The following DIP2C variants were observed in gnomAD, a reference collection of about 807,000 sequenced individuals.
The protein encoded by DIP2C is disco-interacting protein 2 homolog C.
In DIP2C, 33 loss-of-function variants were observed where a neutral mutation model predicts 192.4. The observed-to-expected ratio is 0.17, with a 90% CI of 0.13 to 0.23. The LOEUF (loss-of-function observed/expected upper bound fraction) is 0.23. Ranked by LOEUF, DIP2C falls within the 10% of genes least tolerant of loss-of-function variation. The pLI is 1.00. For synonymous variants in DIP2C, 979 were observed against 864.1 expected (o/e 1.13, Z -2.33); for missense variants, 1,537 against 2,110.1 (o/e 0.73, Z 5.32).
intron 32 of DIP2C, among the ~76,000 whole-genome samples, chr10:305,203 TCA>T (rs971051941): frequency 6.6e-6 from 1 of 151,934 alleles, no homozygotes; most frequent in Non-Finnish European, 1.5e-5. Context: ...TGTACCCACA[TCA>T]CACTCACCCA....
At chr10:433,553 T>C (rs1966934377) in intron 4 of DIP2C, among the ~76,000 whole-genome samples, 1 of 152,020 alleles carries the variant, frequency 6.6e-6, no homozygotes, top group Non-Finnish European at 1.5e-5. Context: ...TGATGACAAA[T>C]GCCTGTAGTC....
intron 1 of DIP2C, among the ~76,000 whole-genome samples, chr10:509,889 G>C (rs972090407): frequency 3.3e-5 from 5 of 152,196 alleles, no homozygotes; most frequent in African/African-American, 9.7e-5. Flanking sequence ...TGCAGCCTGT[G>C]GTGCTCATCA....
intron 17 of DIP2C, among the ~76,000 whole-genome samples, chr10:379,657 CAG>C (rs1426095169): frequency 6.6e-6 from 1 of 152,202 alleles, no homozygotes; most frequent in Non-Finnish European, 1.5e-5. Context: ...ATACATATTC[CAG>C]AGAGGGCCAA....
chr10:625,683 A>G (rs1467900532), intron 1 of DIP2C, among the ~76,000 whole-genome samples: 2 of 152,254 alleles, frequency 1.3e-5, no homozygotes, highest in Non-Finnish European at 2.9e-5. Context: ...CGGCTGAAGC[A>G]GGAACGAGCT....
chr10:489,797 G>A (rs552458411), intron 1 of DIP2C, among the ~76,000 whole-genome samples: 2 of 118,106 alleles, frequency 1.7e-5, no homozygotes, highest in African/African-American at 3.5e-5. Flanking sequence ...CTAGGGACAC[G>A]GTGGCTCTGA....
chr10:292,067 G>A (rs1324870969), intron 32 of DIP2C, among the ~76,000 whole-genome samples: 1 of 152,244 alleles, frequency 6.6e-6, no homozygotes, highest in East Asian at 1.9e-4. Context: ...CTGGCGTCCA[G>A]CAGAGCTCAC....
intron 31 of DIP2C, among the ~76,000 whole-genome samples, chr10:320,594 T>C (rs2132389850): frequency 6.6e-6 from 1 of 152,178 alleles, no homozygotes; most frequent in South Asian, 2.1e-4. Context: ...GAGATGGCAC[T>C]GGACACTCAG....
intron 1 of DIP2C, among the ~76,000 whole-genome samples, chr10:561,309 C>A (rs546351870): frequency 2.6e-5 from 4 of 152,166 alleles, no homozygotes; most frequent in Non-Finnish European, 5.9e-5. Flanking sequence ...AGGGGACTCA[C>A]AATGGATTGG....
At chr10:591,204 C>A (rs947608560) in intron 1 of DIP2C, among the ~76,000 whole-genome samples, 1 of 152,138 alleles carries the variant, frequency 6.6e-6, no homozygotes, top group Non-Finnish European at 1.5e-5. Context: ...CTCACTGCAA[C>A]CTCTGCACCT....
At chr10:376,818 C>T (rs1294616833) in intron 17 of DIP2C, among the ~76,000 whole-genome samples, 1 of 152,112 alleles carries the variant, frequency 6.6e-6, no homozygotes, top group African/African-American at 2.4e-5. Context: ...AGCTTGTGAA[C>T]TCATTTCAGC....
At chr10:415,107 T>C (rs1965544045) in intron 7 of DIP2C, among the ~76,000 whole-genome samples, 1 of 151,956 alleles carries the variant, frequency 6.6e-6, no homozygotes, top group Non-Finnish European at 1.5e-5. Context: ...AGTATTTTCC[T>C]GAGTAAAACT....
intron 1 of DIP2C, among the ~76,000 whole-genome samples, chr10:582,144 C>G (rs1284831256): frequency 6.6e-6 from 1 of 152,184 alleles, no homozygotes; most frequent in East Asian, 1.9e-4. Context: ...ACTCACCGGC[C>G]ACCCACCCCC....
At chr10:665,364 A>G (rs1857020572) in intron 1 of DIP2C, 1 of 152,198 alleles carries the variant, frequency 6.6e-6, no homozygotes, top group South Asian at 2.1e-4. Flanking sequence ...TTTTTAACTG[A>G]AAAGAAAAAC....
chr10:565,354 T>TTAAAAAAAAAAAA (rs1554737793), intron 1 of DIP2C, among the ~76,000 whole-genome samples: 1 of 114,136 alleles, frequency 8.8e-6, no homozygotes. Flanking sequence ...ACCTGCATTC[T>TTAAAAAAAAAAAA]AAAAAAAAAA....
chr10:663,042 C>T lies in DIP2C; in HGVS notation c.85+26452G>A, dbSNP rs749759010. 3.7e-5 allele frequency: 24 copies of T among 649,858 alleles called. No homozygotes were observed. The African/African-American group carries it at 3.9e-4, about 11-fold the overall frequency. The allele number at this position is 649,858 out of a possible 1,614,324, so 40.3% of individuals were successfully genotyped here. A position where few individuals can be genotyped will look rare whatever the true frequency, so the allele number is the denominator to read the frequency against. ...AGGAAAGACTCTAAACACTCTGGAC[C>T]CTGCTGGGGCAGATGGTGACCGTGA... is the stretch of plus-strand genomic sequence containing the variant. On this transcript the variant is annotated intron_variant, in intron 1 of 36. Coordinates refer to ENST00000280886, the MANE Select transcript of DIP2C (RefSeq NM_014974.3).
intron 1 of DIP2C, among the ~76,000 whole-genome samples, chr10:583,773 G>A (rs903361816): frequency 4.6e-5 from 7 of 152,272 alleles, no homozygotes; most frequent in South Asian, 2.1e-4. Context: ...TATCAAAGCC[G>A]AAATCCACCC....
chr10:514,688 C>A (rs1178572471), intron 1 of DIP2C, among the ~76,000 whole-genome samples: 3 of 152,206 alleles, frequency 2.0e-5, no homozygotes, highest in Admixed American at 6.5e-5. Context: ...TTCCTCATGG[C>A]TCCTGAGGGA....
At chr10:640,536 G>C (rs767351020) in intron 1 of DIP2C, among the ~76,000 whole-genome samples, 25 of 152,300 alleles carry the variant, frequency 1.6e-4, no homozygotes, top group Middle Eastern at 6.8e-3. Flanking sequence ...AGGCGGGCAT[G>C]GCCAGAGTAG....
chr10:615,346 C>T (rs561604865), intron 1 of DIP2C, among the ~76,000 whole-genome samples: 15 of 152,248 alleles, frequency 9.9e-5, no homozygotes, highest in Admixed American at 9.8e-4. Flanking sequence ...GCAAGGAGGG[C>T]CTGGAAACTC....
Sources: allele counts gnomAD v4.1 joint callset (sites outside exome capture counted in the v4.1 genomes callset), GRCh38; gene constraint gnomAD v4.1.1; transcripts MANE v1.5; gene names NCBI Gene and HGNC (gene_info 2026-07-23, HGNC 2026-07-21).